SWI5: variants seen among roughly 807,000 people sequenced by gnomAD.
SWI5 encodes the protein SWI5 homologous recombination repair protein, also known as DNA repair protein SWI5 homolog.
A neutral mutation model predicts 17.0 loss-of-function variants in SWI5; 12 were observed. The ratio of observed to expected loss-of-function variants is 0.71; its 90% CI spans 0.45 to 1.14. SWI5 has a LOEUF of 1.14. SWI5 is among the 50% of genes most tolerant of loss of function. SWI5 has a pLI of 0.00. For missense variants in SWI5, 158 were observed against 162.2 expected, an observed-to-expected ratio of 0.97 and a Z score of 0.14; for synonymous variants, 61 against 64.0, an observed-to-expected ratio of 0.95 and a Z score of 0.22.
At chr9:128,277,750 T>C (rs1375990023) in intron 2 of SWI5, among the ~76,000 whole-genome samples, 1 of 152,088 alleles carries the variant, frequency 6.6e-6, no homozygotes, top group African/African-American at 2.4e-5. Context: ...TCTCCAGAGA[T>C]GGCAGGGTCA....
upstream of SWI5, chr9:128,276,238 C>T (rs1831361567): frequency 6.2e-7 from 1 of 1,612,286 alleles, no homozygotes; most frequent in Non-Finnish European, 8.5e-7. Flanking sequence ...GGGGCGGGGC[C>T]GGCTTTCCTT....
chr9:128,275,508 G>A, upstream of SWI5: 1 of 1,310,998 alleles, frequency 7.6e-7, no homozygotes, highest in Non-Finnish European at 9.8e-7. Context: ...TGAGGGTCGA[G>A]TCTGGAGCGG....
chr9:128,287,540 G>A (rs1831663709), intron 4 of SWI5, among the ~76,000 whole-genome samples: 1 of 149,298 alleles, frequency 6.7e-6, no homozygotes, highest in Non-Finnish European at 1.5e-5. Context: ...ATATGACCTG[G>A]AGCCAGTGGC....
chr9:128,284,124 C>T (rs1831590113), intron 2 of SWI5, among the ~76,000 whole-genome samples: 1 of 151,396 alleles, frequency 6.6e-6, no homozygotes, highest in African/African-American at 2.4e-5. Flanking sequence ...GGTGAAACCC[C>T]ATCTCTACTA....
chr9:128,276,577 C>G, intron 1 of SWI5, 130 bp from the exon 2 acceptor site: 2 of 1,598,398 alleles, frequency 1.3e-6, no homozygotes, highest in Admixed American at 1.7e-5. Context: ...CGTGTCTGCC[C>G]CCTTTCCAGA....
intron 2 of SWI5, among the ~76,000 whole-genome samples, chr9:128,276,971 A>C (rs2240960): frequency 0.25 from 37,424 of 151,610 alleles, 6,003 homozygotes; most frequent in African/African-American, 0.46. Flanking sequence ...GTCCTGTCCT[A>C]GGCTAACTCC....
At chr9:128,276,146 A>G, upstream of SWI5, 2 of 1,568,026 alleles carry the variant, frequency 1.3e-6, no homozygotes, top group Non-Finnish European at 1.7e-6. Context: ...GGGCGTGGCT[A>G]TGCAGCGGCG....
At chr9:128,281,218 A>G (rs929546193) in intron 2 of SWI5, among the ~76,000 whole-genome samples, 13 of 151,450 alleles carry the variant, frequency 8.6e-5, no homozygotes, top group African/African-American at 3.2e-4. Context: ...TTGTATTTTC[A>G]GTAGAGACAG....
intron 2 of SWI5, chr9:128,278,674 A>G (rs1347076765): frequency 1.5e-5 from 7 of 471,602 alleles, no homozygotes; most frequent in Non-Finnish European, 2.6e-5. Context: ...TACTGTCCCC[A>G]TGTTGAGGTG....
At chr9:128,282,663 G>C (rs1358563383) in intron 2 of SWI5, among the ~76,000 whole-genome samples, 1 of 152,196 alleles carries the variant, frequency 6.6e-6, no homozygotes, top group African/African-American at 2.4e-5. Context: ...GTTCCTGGCA[G>C]AGAGTGCTCA....
upstream of SWI5, chr9:128,275,388 G>T: frequency 7.8e-7 from 1 of 1,284,958 alleles, no homozygotes; most frequent in African/African-American, 1.5e-5. Context: ...TCAGCGCGAC[G>T]TCCAAGTCGC....
upstream of SWI5, chr9:128,276,157 T>A (rs200988365): frequency 1.3e-5 from 20 of 1,568,626 alleles, no homozygotes; most frequent in African/African-American, 8.2e-5. Flanking sequence ...TGCAGCGGCG[T>A]GGCCAGAGGG....
chr9:128,288,581 G>C, intron 4 of SWI5, 71 bp from the exon 5 acceptor site: 5 of 1,557,118 alleles, frequency 3.2e-6, no homozygotes, highest in Non-Finnish European at 4.4e-6. Context: ...AGTGACACTG[G>C]CTCGGGGCAT....
Position 128,285,944 on chromosome 9 carries a change from A to T in SWI5, c.239A>T (p.Tyr80Phe). Residue 80 changes from tyrosine to phenylalanine, a missense_variant, in exon 4 of 5, where the codon TAC becomes TTC. Physicochemically the swap from Tyr to Phe is conservative, Grantham distance 22. Transcript: ENST00000418976. This position sits in a 1 kb window ranked among gnomAD's most constrained non-coding sequence, Gnocchi z 4.8. ...CTCTCCATCGCTTATCCCAGAGGCT[A>T]CAGTGTGGATGAACTGGAGGACCAC... is the stretch of plus-strand genomic sequence containing the variant. 1 of 1,612,840 alleles carries T rather than the reference A, an allele frequency of 6.2e-7. No individual in the cohort carries two copies. Among genetic ancestry groups the T allele is most frequent in the Non-Finnish European group, 8.5e-7 (1 of 1,178,824 alleles).
chr9:128,276,222 G>A (rs767713154), upstream of SWI5: 12 of 1,611,520 alleles, frequency 7.4e-6, no homozygotes, highest in Admixed American at 1.7e-5. Flanking sequence ...CGCCCACCTC[G>A]GGAGAGGGGC....
intron 2 of SWI5, among the ~76,000 whole-genome samples, chr9:128,282,504 G>A (rs541218075): frequency 2.0e-5 from 3 of 152,208 alleles, no homozygotes; most frequent in Non-Finnish European, 2.9e-5. Context: ...CTGATGGGGC[G>A]ATAGGTAAGT....
At chr9:128,284,605 C>T in exon 3 of SWI5, 1 of 1,613,760 alleles carries the variant, frequency 6.2e-7, no homozygotes, top group Non-Finnish European at 8.5e-7. Context: ...ACATGCTGGA[C>T]AAGGAGATCT....
At chr9:128,278,676 G>T (rs1831480888) in intron 2 of SWI5, 1 of 471,800 alleles carries the variant, frequency 2.1e-6, no homozygotes, top group Non-Finnish European at 4.4e-6. Flanking sequence ...CTGTCCCCAT[G>T]TTGAGGTGAG....
chr9:128,284,440 C>A, intron 2 of SWI5, 70 bp from the exon 3 acceptor site: 2 of 1,561,424 alleles, frequency 1.3e-6, no homozygotes, highest in Non-Finnish European at 1.7e-6. Flanking sequence ...GGAGTGACTA[C>A]TGGGGGACAT....
Sources: allele counts gnomAD v4.1 joint callset (sites outside exome capture counted in the v4.1 genomes callset), GRCh38; gene constraint gnomAD v4.1.1; non-coding constraint Gnocchi (gnomAD v3.1); transcripts MANE v1.5; gene names NCBI Gene and HGNC (gene_info 2026-07-23, HGNC 2026-07-21).